Variants in RAB1A observed in about 807,000 individuals in gnomAD.
The protein encoded by RAB1A is RAB1A, member RAS oncogene family.
Under a neutral mutation model 26.0 loss-of-function variants are expected in RAB1A, and 2 were observed. The ratio of observed to expected loss-of-function variants is 0.08; its 90% CI spans 0.03 to 0.24. The LOEUF (loss-of-function observed/expected upper bound fraction) is 0.24. Among genes scored for constraint, RAB1A ranks in the 10% least tolerant of loss-of-function variants. The probability of loss-of-function intolerance (pLI) is 1.00; values close to 1 mark genes in which losing one functional copy is unlikely to be tolerated. For synonymous variants in RAB1A, 84 were observed against 84.9 expected, an observed-to-expected ratio of 0.99 and a Z score of 0.06; for missense variants, 100 against 247.0, an observed-to-expected ratio of 0.40 and a Z score of 3.99.
intron 1 of RAB1A, among the ~76,000 whole-genome samples, chr2:65,109,212 T>G (rs1483669928): frequency 1.3e-5 from 2 of 152,210 alleles, no homozygotes; most frequent in Non-Finnish European, 2.9e-5. Context: ...AAAATGTTGA[T>G]AGAAAATATA....
chr2:65,124,629 G>A (rs1283972595), intron 1 of RAB1A, among the ~76,000 whole-genome samples: 3 of 152,048 alleles, frequency 2.0e-5, no homozygotes, highest in Admixed American at 6.6e-5. Flanking sequence ...TCTATGCTTA[G>A]TAGAGACAGG....
chr2:65,114,154 A>G (rs752638286), intron 1 of RAB1A: 1 of 461,956 alleles, frequency 2.2e-6, no homozygotes, highest in South Asian at 1.6e-5. Flanking sequence ...AAATGAGAAT[A>G]TACTGTTTTC....
rs1669104623 is a variant in RAB1A at position 65,088,960 on chromosome 2, T to A, written c.399A>T (p.Val133=). 1 of 1,606,628 alleles carries A rather than the reference T, an allele frequency of 6.2e-7. No homozygotes were observed. The highest frequency in any genetic ancestry group is 8.5e-7 in the Non-Finnish European group (1 of 1,175,866). The change falls in exon 5 of 6, where the codon GTA becomes GTT. Residue 133 remains valine, a synonymous_variant. Coordinates refer to ENST00000409784, the MANE Select transcript of RAB1A (RefSeq NM_004161.5). ...ATACCTTCGCTGTTGTGTAGTCTAC[T>A]ACTTTCTTTGTGGTCAGATCACATT... ...GNKCDLTTKK[V]VDYTTAKEFA...
At chr2:65,128,325 G>C (rs576429402) in intron 1 of RAB1A, among the ~76,000 whole-genome samples, 54 of 152,108 alleles carry the variant, frequency 3.6e-4, no homozygotes, top group African/African-American at 1.2e-3. Context: ...AAAATTTCCT[G>C]AACAGTAGAG....
At chr2:65,109,061 T>C (rs1035163990) in intron 1 of RAB1A, among the ~76,000 whole-genome samples, 1 of 152,226 alleles carries the variant, frequency 6.6e-6, no homozygotes, top group Non-Finnish European at 1.5e-5. Context: ...AGTGACACGT[T>C]AACTTGCATT....
chr2:65,089,904 T>C (rs1669131250), intron 4 of RAB1A, among the ~76,000 whole-genome samples: 1 of 152,156 alleles, frequency 6.6e-6, no homozygotes, highest in African/African-American at 2.4e-5. Flanking sequence ...GATTTTGCCA[T>C]GTTGGCGAGG....
chr2:65,128,366 A>G (rs921182592), intron 1 of RAB1A, among the ~76,000 whole-genome samples: 1 of 152,216 alleles, frequency 6.6e-6, no homozygotes, highest in Non-Finnish European at 1.5e-5. Flanking sequence ...CAGTAAATCC[A>G]TGTTCTTTAT....
chr2:65,115,621 T>TC (rs1346171121), intron 1 of RAB1A, among the ~76,000 whole-genome samples: 7 of 152,118 alleles, frequency 4.6e-5, no homozygotes, highest in Admixed American at 2.0e-4. Flanking sequence ...AAGCAGCCTG[T>TC]CAGTCAATAT....
At chr2:65,110,365 C>T (rs1271875426) in intron 1 of RAB1A, among the ~76,000 whole-genome samples, 2 of 146,396 alleles carry the variant, frequency 1.4e-5, no homozygotes, top group East Asian at 2.1e-4. Flanking sequence ...CGCTTGAACC[C>T]GGGAGGTGGA....
At chr2:65,128,812 A>G (rs988625708) in intron 1 of RAB1A, among the ~76,000 whole-genome samples, 1 of 152,202 alleles carries the variant, frequency 6.6e-6, no homozygotes, top group Non-Finnish European at 1.5e-5. Flanking sequence ...CCAATTATTC[A>G]TTACTTTACA....
chr2:65,112,667 G>A (rs2103863335), intron 1 of RAB1A, among the ~76,000 whole-genome samples: 1 of 152,226 alleles, frequency 6.6e-6, no homozygotes, highest in East Asian at 1.9e-4. Context: ...AAACAGTTAA[G>A]GTAAGAATGG....
At position 65,104,779 on chromosome 2, in the gene RAB1A, A is replaced by G. The variant is rs749196937; in HGVS notation, c.51T>C (p.Ile17=). ...AAGACTTTCCAACCCCTGAGTCGCCAATCAGAAGTAACTTGAATAAATAAT... is the reference window on the plus strand; with the variant it reads ...AAGACTTTCCAACCCCTGAGTCGCCGATCAGAAGTAACTTGAATAAATAAT... The part of the protein sequence containing the change: ...EYDYLFKLLL[I]GDSGVGKSCL... Residue 17 remains isoleucine, a synonymous_variant, in exon 2 of 6, where the codon ATT becomes ATC. Transcript: ENST00000409784. 6 of 1,607,938 alleles carry G rather than the reference A, an allele frequency of 3.7e-6. No individual in the cohort carries two copies. The South Asian group carries it at 6.6e-5, about 18-fold the overall frequency.
At chr2:65,102,569 G>GA (rs1373369891) in intron 2 of RAB1A, among the ~76,000 whole-genome samples, 1 of 150,662 alleles carries the variant, frequency 6.6e-6, no homozygotes. Context: ...GTTCATCTGA[G>GA]AAAATCTGTC....
chr2:65,091,751 C>G (rs968493886), intron 3 of RAB1A, among the ~76,000 whole-genome samples: 1 of 152,148 alleles, frequency 6.6e-6, no homozygotes, highest in Non-Finnish European at 1.5e-5. Flanking sequence ...TCTCAAATTC[C>G]TGGACTCAAG....
Position 65,104,025 on chromosome 2 carries a change from G to A in RAB1A, c.96+709C>T, listed in dbSNP as rs188048429. Among the ~76,000 whole-genome samples, 1,116 of 152,194 alleles carry A rather than the reference G, an allele frequency of 7.3e-3. 14 individuals are homozygous for A. The highest frequency in any genetic ancestry group is 0.026 in the African/African-American group (1,062 of 41,544). On this transcript the variant is annotated intron_variant, in intron 2 of 5. Coordinates refer to ENST00000409784, the MANE Select transcript of RAB1A (RefSeq NM_004161.5). ...GATCTCTTGACCTTGTGATCCGCCC[G>A]TCTCGGCCTCCCAAAGTGCTGGGAT... is the stretch of plus-strand genomic sequence containing the variant.
intron 1 of RAB1A, among the ~76,000 whole-genome samples, chr2:65,122,189 G>T (rs1324770553): frequency 7.1e-6 from 1 of 140,794 alleles, no homozygotes; most frequent in Non-Finnish European, 1.5e-5. Flanking sequence ...AAAAAAAGCT[G>T]GTAAGCTACA....
In RAB1A at chr2:65,095,945, A is replaced by C. The variant is rs188711019; in HGVS notation, c.192+2026T>G. On this transcript the variant is annotated intron_variant, in intron 3 of 5. Transcript: ENST00000409784. The stretch of plus-strand genomic sequence containing the variant: ...GAGTCAGGCAGATCACGAGGTCAGG[A>C]GTTCGAGACCAGCCTAACCAACATG... Among the ~76,000 whole-genome samples, 15 of 152,244 alleles carry C rather than the reference A, an allele frequency of 9.9e-5. No homozygotes were observed. In the East Asian group the frequency reaches 2.9e-3, roughly 29 times the overall value.
At chr2:65,115,568 C>A (rs1669805521) in intron 1 of RAB1A, among the ~76,000 whole-genome samples, 1 of 152,186 alleles carries the variant, frequency 6.6e-6, no homozygotes, top group East Asian at 1.9e-4. Context: ...ACATATTATT[C>A]CTATAATTTA....
chr2:65,103,432 A>C (rs562105584), intron 2 of RAB1A, among the ~76,000 whole-genome samples: 1 of 152,326 alleles, frequency 6.6e-6, no homozygotes, highest in Admixed American at 6.5e-5. Context: ...TCTTCAATAA[A>C]AATGGCACGG....
Sources: allele counts gnomAD v4.1 joint callset (sites outside exome capture counted in the v4.1 genomes callset), GRCh38; gene constraint gnomAD v4.1.1; transcripts MANE v1.5; gene names NCBI Gene and HGNC (gene_info 2026-07-23, HGNC 2026-07-21).